NPAS3: variants seen among roughly 807,000 people sequenced by gnomAD.
NPAS3 encodes neuronal PAS domain-containing protein 3.
In NPAS3, 14 loss-of-function variants were observed where a neutral mutation model predicts 73.1. The ratio of observed to expected loss-of-function variants is 0.19; its 90% CI spans 0.13 to 0.30. The LOEUF is 0.30. NPAS3 is among the 10% of genes least tolerant of loss of function. The probability of loss-of-function intolerance (pLI) is 1.00; values close to 1 mark genes in which losing one functional copy is unlikely to be tolerated. For synonymous variants in NPAS3, 620 were observed against 541.5 expected, an observed-to-expected ratio of 1.14 and a Z score of -2.01; for missense variants, 1,096 against 1,250.0, an observed-to-expected ratio of 0.88 and a Z score of 1.86.
intron 3 of NPAS3, among the ~76,000 whole-genome samples, chr14:33,291,008 A>T (rs2042077502): frequency 6.6e-6 from 1 of 151,872 alleles, no homozygotes; most frequent in Non-Finnish European, 1.5e-5. Context: ...AGTGGAATCT[A>T]CAAGTGGTAT....
intron 3 of NPAS3, among the ~76,000 whole-genome samples, chr14:33,287,904 TGTC>T (rs1189100512): frequency 1.3e-5 from 2 of 152,222 alleles, no homozygotes; most frequent in African/African-American, 4.8e-5. Context: ...ATTTTGTACT[TGTC>T]AACTTATTGT....
chr14:33,426,083 G>T (rs968533554), intron 4 of NPAS3, among the ~76,000 whole-genome samples: 1 of 152,074 alleles, frequency 6.6e-6, no homozygotes, highest in Non-Finnish European at 1.5e-5. Context: ...AGACACAGAA[G>T]AGTGTTTGCC....
intron 4 of NPAS3, among the ~76,000 whole-genome samples, chr14:33,391,034 G>A (rs1229353009): frequency 2.0e-5 from 3 of 152,046 alleles, no homozygotes; most frequent in Admixed American, 6.6e-5. Flanking sequence ...TTTGTATTAT[G>A]TATCCCTTTG....
intron 1 of NPAS3, among the ~76,000 whole-genome samples, chr14:33,038,385 C>A (rs1045021337): frequency 5.3e-5 from 8 of 151,980 alleles, no homozygotes; most frequent in African/African-American, 1.9e-4. Context: ...GAGAATGTTC[C>A]TGTGCTATTT....
At chr14:33,723,515 C>G (rs1405444620) in intron 6 of NPAS3, among the ~76,000 whole-genome samples, 1 of 151,980 alleles carries the variant, frequency 6.6e-6, no homozygotes. Flanking sequence ...TTCTACAAGC[C>G]TCACGTCTGC....
intron 1 of NPAS3, among the ~76,000 whole-genome samples, chr14:32,946,497 A>G (rs2036268238): frequency 6.6e-6 from 1 of 152,152 alleles, no homozygotes; most frequent in South Asian, 2.1e-4. Flanking sequence ...GCTGTACTTT[A>G]GGAAACTTTG....
chr14:33,068,394 T>C (rs1595371385), intron 2 of NPAS3, among the ~76,000 whole-genome samples: 1 of 152,332 alleles, frequency 6.6e-6, no homozygotes, highest in Non-Finnish European at 1.5e-5. Flanking sequence ...TGCTTGCTCC[T>C]TTGTAAAGTC....
intron 2 of NPAS3, among the ~76,000 whole-genome samples, chr14:33,210,744 T>C (rs1255292594): frequency 6.6e-6 from 1 of 150,548 alleles, no homozygotes; most frequent in Non-Finnish European, 1.5e-5. Flanking sequence ...CAATTGAATG[T>C]CACCTTTTAT....
intron 2 of NPAS3, among the ~76,000 whole-genome samples, chr14:33,147,239 G>C (rs939716794): frequency 2.6e-5 from 4 of 152,032 alleles, no homozygotes; most frequent in Non-Finnish European, 5.9e-5. Flanking sequence ...AGTGAATAAA[G>C]AAGACATGTT....
rs577696111 is a variant in NPAS3, at chr14:33,519,594, G to A, written c.469-40527G>A. On this transcript the variant is annotated intron_variant, in intron 4 of 11. Transcript: ENST00000356141. ...AGATTAATTCTCCAAACCTCGGTCT[G>A]CGCATATGTAAAGTGGAAATAACAG... is the stretch of plus-strand genomic sequence containing the variant. Among the ~76,000 whole-genome samples, 5 of 152,204 alleles carry A rather than the reference G, an allele frequency of 3.3e-5. No homozygotes were observed. The South Asian group carries it at 1.0e-3, about 32-fold the overall frequency.
intron 4 of NPAS3, among the ~76,000 whole-genome samples, chr14:33,469,126 G>T (rs1186295418): frequency 2.6e-5 from 4 of 152,114 alleles, no homozygotes; most frequent in Non-Finnish European, 5.9e-5. Flanking sequence ...GTTTTGGGAA[G>T]CATCAGTCCC....
intron 5 of NPAS3, among the ~76,000 whole-genome samples, chr14:33,596,091 G>A (rs2057235541): frequency 6.6e-6 from 1 of 152,238 alleles, no homozygotes; most frequent in Non-Finnish European, 1.5e-5. Flanking sequence ...AAACAAGGAA[G>A]TGTACGTGAA....
chr14:33,032,181 T>C (rs2040018551), intron 1 of NPAS3, among the ~76,000 whole-genome samples: 1 of 152,206 alleles, frequency 6.6e-6, no homozygotes, highest in Non-Finnish European at 1.5e-5. Context: ...AGGAGGATTG[T>C]ACATGATGCG....
intron 7 of NPAS3, among the ~76,000 whole-genome samples, chr14:33,739,514 C>T (rs1203417920): frequency 1.3e-5 from 2 of 152,110 alleles, no homozygotes; most frequent in Admixed American, 6.6e-5. Flanking sequence ...ATTATTTTGC[C>T]TTCTCTAAGC....
At chr14:33,583,619 A>T (rs116586989) in intron 5 of NPAS3, among the ~76,000 whole-genome samples, 1,894 of 152,314 alleles carry the variant, frequency 0.012, 53 homozygotes, top group African/African-American at 0.043. Context: ...AGAGAAACAA[A>T]TCTCTTTTTC....
At chr14:33,158,944 C>A (rs1049732289) in intron 2 of NPAS3, among the ~76,000 whole-genome samples, 4 of 152,130 alleles carry the variant, frequency 2.6e-5, no homozygotes, top group Non-Finnish European at 4.4e-5. Context: ...GGGTAGATCA[C>A]CTGAAGTCAG....
chr14:33,638,843 A>ATATT (rs2058598928), intron 5 of NPAS3, among the ~76,000 whole-genome samples: 1 of 152,256 alleles, frequency 6.6e-6, no homozygotes, highest in Non-Finnish European at 1.5e-5. Context: ...GAACACAGAT[A>ATATT]TATTTTAAAG....
chr14:33,042,886 AT>A lies in NPAS3; in HGVS notation c.51-13012del, dbSNP rs572733614. 4.9e-3 allele frequency among the ~76,000 whole-genome samples: 748 copies of A among 152,256 alleles called. 2 individuals are homozygous for A. Among genetic ancestry groups the A allele is most frequent in the Non-Finnish European group, 7.4e-3 (500 of 67,986 alleles). On this transcript the variant is annotated intron_variant, in intron 1 of 11. Transcript: ENST00000356141. ...AAAATACAAACTTTTATAGAGAGCC[AT>A]TTTTTTCCTTTAAAGAAGACAGTGC...
At chr14:33,600,160 C>T (rs1351430930) in intron 5 of NPAS3, among the ~76,000 whole-genome samples, 2 of 152,160 alleles carry the variant, frequency 1.3e-5, no homozygotes, top group African/African-American at 2.4e-5. Flanking sequence ...TCCATGTGAA[C>T]ATTTCTTCGA....
Sources: allele counts gnomAD v4.1 joint callset (sites outside exome capture counted in the v4.1 genomes callset), GRCh38; gene constraint gnomAD v4.1.1; transcripts MANE v1.5; gene names NCBI Gene and HGNC (gene_info 2026-07-23, HGNC 2026-07-21).